Variants in DCP2 observed in about 807,000 individuals in gnomAD.
DCP2 encodes the protein m7GpppN-mRNA hydrolase.
In DCP2, 30 loss-of-function variants were observed where a neutral mutation model predicts 56.1. The observed-to-expected ratio is 0.53, with a 90% CI of 0.40 to 0.73. The LOEUF is 0.73. DCP2 is among the 30% of genes least tolerant of loss of function. DCP2 has a pLI of 0.00. For synonymous variants in DCP2, 197 were observed against 163.3 expected (o/e 1.21, Z -1.57); for missense variants, 533 against 502.7 (o/e 1.06, Z -0.58).
chr5:113,002,697 T>C (rs903603023), intron 7 of DCP2, among the ~76,000 whole-genome samples: 1 of 151,942 alleles, frequency 6.6e-6, no homozygotes, highest in East Asian at 1.9e-4. Context: ...TTTTTTCTTA[T>C]TTTTTGTAGA....
intron 1 of DCP2, among the ~76,000 whole-genome samples, chr5:112,983,194 A>C (rs553754150): frequency 6.6e-6 from 1 of 152,214 alleles, no homozygotes; most frequent in South Asian, 2.1e-4. Context: ...TTTCTCTTCA[A>C]GTAAGACAAA....
chr5:112,984,714 A>ATATAT (rs1265371165), intron 1 of DCP2: 2 of 129,964 alleles, frequency 1.5e-5, no homozygotes, highest in African/African-American at 6.2e-5. Context: ...ATATATATAT[A>ATATAT]TATATATATA....
chr5:112,989,205 C>G (rs139238052), intron 2 of DCP2, among the ~76,000 whole-genome samples: 2 of 152,078 alleles, frequency 1.3e-5, no homozygotes, highest in South Asian at 2.1e-4. Context: ...TACCCACTTA[C>G]GATTTGGAGG....
intron 10 of DCP2, among the ~76,000 whole-genome samples, chr5:113,011,271 C>T (rs866512225): frequency 6.6e-6 from 1 of 152,190 alleles, no homozygotes; most frequent in Middle Eastern, 3.4e-3. Context: ...ACATTTTTCC[C>T]TCTTTTGGAG....
Position 112,979,516 on chromosome 5 carries a change from G to T in DCP2, c.53+2530G>T, listed in dbSNP as rs150818298. The stretch of plus-strand genomic sequence containing the variant: ...CTTGATTTATGAATTCAAGCTAGGT[G>T]CTTGTTTTTACTCCCTTCATTTTTT... On this transcript the variant is annotated intron_variant, in intron 1 of 10. Transcript: ENST00000389063. Among the ~76,000 whole-genome samples the T allele has an allele frequency of 3.5e-3, 540 of 152,142 alleles. 2 individuals are homozygous for T. Among genetic ancestry groups the T allele is most frequent in the African/African-American group, 0.013 (528 of 41,506 alleles).
rs770034347 is a variant in DCP2 at position 113,013,485 on chromosome 5, TAGC to T, written c.*6_*8del. 1 of 1,613,842 alleles carries T rather than the reference TAGC, an allele frequency of 6.2e-7. No homozygotes were observed. Among genetic ancestry groups the T allele is most frequent in the African/African-American group, 1.3e-5 (1 of 74,914 alleles). On this transcript the variant is annotated 3_prime_UTR_variant, in exon 11 of 11. Transcript: ENST00000389063. ...TATAATGAAAATCTTGGACCTTTGA[TAGC>T]AGCACATGTATTGTAAATGTCCCAG...
Position 113,018,019 on chromosome 5 carries a change from C to G in DCP2, c.*4535C>G, listed in dbSNP as rs1749961379. 1 of 152,182 alleles carries G rather than the reference C, an allele frequency of 6.6e-6. No individual in the cohort carries two copies. The highest frequency in any genetic ancestry group is 1.5e-5 in the Non-Finnish European group (1 of 68,038). 9.4% of individuals were successfully genotyped at this position (152,182 alleles called of 1,614,324 possible). A position where few individuals can be genotyped will look rare whatever the true frequency, so the allele number is the denominator to read the frequency against. On this transcript the variant is annotated 3_prime_UTR_variant, in exon 11 of 11. Coordinates refer to ENST00000389063, the MANE Select transcript of DCP2 (RefSeq NM_152624.6). ...ATACTGTAGAACTCCAGTCAAACTT[C>G]AGTGCACTGCTTTCTTACAGGAAGA...
intron 4 of DCP2, among the ~76,000 whole-genome samples, chr5:112,995,402 A>C (rs898131543): frequency 6.6e-6 from 1 of 152,234 alleles, no homozygotes; most frequent in African/African-American, 2.4e-5. Context: ...GAGAAAATAG[A>C]AATCAGCAGT....
chr5:112,990,085 A>G (rs1406939234), intron 2 of DCP2, among the ~76,000 whole-genome samples: 1 of 152,138 alleles, frequency 6.6e-6, no homozygotes, highest in Non-Finnish European at 1.5e-5. Flanking sequence ...GTACATGTAA[A>G]TCGTTTACTT....
chr5:113,007,548 G>A (rs1749497096), intron 8 of DCP2, among the ~76,000 whole-genome samples: 2 of 152,034 alleles, frequency 1.3e-5, no homozygotes, highest in Admixed American at 6.6e-5. Flanking sequence ...CTATAGGCGT[G>A]TGCCACCATG....
chr5:112,983,592 AGTAT>A (rs1748110919), intron 1 of DCP2, among the ~76,000 whole-genome samples: 1 of 152,170 alleles, frequency 6.6e-6, no homozygotes, highest in Non-Finnish European at 1.5e-5. Context: ...TGAGTTTCCA[AGTAT>A]GTATAGTCTA....
chr5:112,998,473 A>G (rs1367069217), intron 4 of DCP2, among the ~76,000 whole-genome samples: 1 of 152,188 alleles, frequency 6.6e-6, no homozygotes, highest in African/African-American at 2.4e-5. Context: ...TACTTATATC[A>G]TATTAAAATT....
At position 113,014,883 on chromosome 5, in the gene DCP2, T is replaced by A. The variant is rs114393421; in HGVS notation, c.*1399T>A. On this transcript the variant is annotated 3_prime_UTR_variant, in exon 11 of 11. Transcript: ENST00000389063. ...TATTCTGTGTAGGTAGCCTATTTAA[T>A]TGGGTTCCACTGAACCTCATGGGAC... The A allele has an allele frequency of 1.3e-5, 2 of 152,658 alleles. No individual in the cohort carries two copies. 9.5% of individuals were successfully genotyped at this position (152,658 alleles called of 1,614,324 possible).
rs553191488 is a variant in DCP2, at chr5:113,016,500, T to C, written c.*3016T>C. 1 of 152,356 alleles carries C rather than the reference T, an allele frequency of 6.6e-6. No individual in the cohort carries two copies. The highest frequency in any genetic ancestry group is 2.4e-5 in the African/African-American group (1 of 41,584). 9.4% of individuals were successfully genotyped at this position (152,356 alleles called of 1,614,324 possible). A position where few individuals can be genotyped will look rare whatever the true frequency, so the allele number is the denominator to read the frequency against. On this transcript the variant is annotated 3_prime_UTR_variant, in exon 11 of 11. Coordinates refer to ENST00000389063, the MANE Select transcript of DCP2 (RefSeq NM_152624.6). ...AAGTATAGCTAATGAAGACATATAA[T>C]GAAAGTAATTTTATGCTGTAAGATT...
intron 10 of DCP2, 114 bp downstream of exon 10, chr5:113,010,921 C>G: frequency 9.0e-7 from 1 of 1,107,058 alleles, no homozygotes; most frequent in Non-Finnish European, 1.3e-6. Context: ...GGAAGAGTTG[C>G]ATATGTTCTG....
At chr5:113,008,898 C>T (rs1315750197) in intron 9 of DCP2, among the ~76,000 whole-genome samples, 1 of 151,470 alleles carries the variant, frequency 6.6e-6, no homozygotes, top group South Asian at 2.1e-4. Flanking sequence ...AGCTGGATTG[C>T]AGTGGCACGA....
rs1554101194 is a variant in DCP2, at chr5:113,005,150, G to GC, written c.942+1073_942+1074insC. Among the ~76,000 whole-genome samples the GC allele has an allele frequency of 4.8e-5, 4 of 83,426 alleles. No homozygotes were observed. The Admixed American group carries it at 7.0e-4, about 15-fold the overall frequency. The allele number at this position is 83,426 out of a possible 152,430, so 54.7% of individuals were successfully genotyped here. ...GTCTCAAAAAAAAAAGTGTGCGTGT[G>GC]GGTGTGTGTGTGTGTGTGTAAACTG... is the stretch of plus-strand genomic sequence containing the variant. On this transcript the variant is annotated intron_variant, in intron 8 of 10. Transcript: ENST00000389063.
intron 9 of DCP2, among the ~76,000 whole-genome samples, chr5:113,008,737 C>G (rs1264585286): frequency 2.6e-5 from 4 of 152,114 alleles, no homozygotes; most frequent in African/African-American, 9.7e-5. Flanking sequence ...TTTATTATTT[C>G]TCTTCTGTCT....
intron 4 of DCP2, among the ~76,000 whole-genome samples, chr5:113,000,361 C>T (rs1460747945): frequency 2.0e-5 from 3 of 151,032 alleles, no homozygotes; most frequent in Non-Finnish European, 4.4e-5. Context: ...AGCCACTGTG[C>T]CCAGTCCTAT....
Sources: gnomAD v4.1 joint callset for allele counts (sites outside exome capture counted in the v4.1 genomes callset) on GRCh38, gnomAD v4.1.1 for gene constraint, MANE v1.5 for transcripts, NCBI Gene and HGNC (gene_info 2026-07-23, HGNC 2026-07-21) for gene names.